RBFOX1: variants seen among roughly 807,000 people sequenced by gnomAD.
RBFOX1 encodes RNA binding fox-1 homolog 1.
RBFOX1 carries 8 observed loss-of-function variants against 57.7 expected under a neutral mutation model. That is an observed-to-expected ratio of 0.14 (90% CI 0.08 to 0.25). The LOEUF is 0.25. Among genes scored for constraint, RBFOX1 ranks in the 10% least tolerant of loss-of-function variants. The pLI is 1.00. For missense variants in RBFOX1, 611 were observed against 548.5 expected (o/e 1.11, Z -1.14); for synonymous variants, 326 against 222.4 (o/e 1.47, Z -4.15).
chr16:5,812,325 T>C (rs1367456539), intron 3 of RBFOX1, among the ~76,000 whole-genome samples: 6 of 152,230 alleles, frequency 3.9e-5, no homozygotes, highest in African/African-American at 7.2e-5. Flanking sequence ...GGATCATTTG[T>C]AGGTGAATAT....
At chr16:7,001,890 C>G (rs190071136) in intron 3 of RBFOX1, among the ~76,000 whole-genome samples, 1 of 152,014 alleles carries the variant, frequency 6.6e-6, no homozygotes, top group Non-Finnish European at 1.5e-5. Flanking sequence ...TGGGGAGTCC[C>G]CATAGTAAGC....
intron 3 of RBFOX1, among the ~76,000 whole-genome samples, chr16:5,646,842 C>A (rs374371270): frequency 4.1e-4 from 62 of 152,068 alleles, no homozygotes; most frequent in Non-Finnish European, 7.8e-4. Context: ...ACTGTGTTAG[C>A]CAGGATGGTC....
intron 4 of RBFOX1, among the ~76,000 whole-genome samples, chr16:7,065,936 T>A (rs1008236676): frequency 7.2e-5 from 11 of 152,116 alleles, no homozygotes; most frequent in Admixed American, 5.9e-4. Context: ...TCCTTATGTG[T>A]TTTTCCCCCA....
chr16:7,088,161 G>T (rs550460403), intron 4 of RBFOX1, among the ~76,000 whole-genome samples: 1 of 152,206 alleles, frequency 6.6e-6, no homozygotes, highest in East Asian at 1.9e-4. Flanking sequence ...GGGGATGTAC[G>T]GTTTTCTGTT....
At chr16:7,506,255 A>T (rs566486309) in intron 4 of RBFOX1, among the ~76,000 whole-genome samples, 5 of 149,638 alleles carry the variant, frequency 3.3e-5, no homozygotes, top group African/African-American at 1.2e-4. Context: ...ACAAAAGTTT[A>T]TATGTTTATC....
chr16:5,826,314 C>G (rs2056053756), intron 3 of RBFOX1, among the ~76,000 whole-genome samples: 1 of 152,090 alleles, frequency 6.6e-6, no homozygotes, highest in South Asian at 2.1e-4. Flanking sequence ...GTGAAGCAAA[C>G]CACAGTTGTA....
At chr16:6,717,793 G>A (rs1385812824) in intron 3 of RBFOX1, among the ~76,000 whole-genome samples, 2 of 152,144 alleles carry the variant, frequency 1.3e-5, no homozygotes, top group Non-Finnish European at 2.9e-5. Context: ...CATGGACCCA[G>A]CAGAAAATAT....
chr16:6,124,404 A>G (rs182735148), intron 1 of RBFOX1, among the ~76,000 whole-genome samples: 1 of 152,250 alleles, frequency 6.6e-6, no homozygotes, highest in East Asian at 1.9e-4. Context: ...TGATTATTGT[A>G]ATGTAAATGA....
In RBFOX1 at chr16:5,993,405, G is replaced by GAC. The variant is rs1567231565; in HGVS notation, c.351+126071_351+126072insCA. Among the ~76,000 whole-genome samples, 149 of 151,000 alleles carry GAC rather than the reference G, an allele frequency of 9.9e-4. 1 individual carries two copies. The highest frequency in any genetic ancestry group is 3.6e-3 in the African/African-American group (148 of 41,264). On this transcript the variant is annotated intron_variant, in intron 4 of 19. Transcript: ENST00000641259. ...TGTGTGAGAGAGAGAGAGACAGAGA[G>GAC]AGAGAGAGAGAGAGAAGGAGACAGA...
chr16:6,393,115 T>A (rs1029402408), intron 2 of RBFOX1, among the ~76,000 whole-genome samples: 12 of 152,346 alleles, frequency 7.9e-5, no homozygotes, highest in African/African-American at 2.9e-4. Flanking sequence ...AGGCTTTAAC[T>A]ATGAGTATAT....
chr16:6,335,921 T>A (rs1299129303), intron 2 of RBFOX1, among the ~76,000 whole-genome samples: 4 of 150,772 alleles, frequency 2.7e-5, no homozygotes, highest in African/African-American at 9.7e-5. Context: ...AGGTATTGCC[T>A]GGTTTTCCAG....
rs182114594 is a variant in RBFOX1 at position 7,147,441 on chromosome 16, G to T, written c.27+95343G>T. Among the ~76,000 whole-genome samples the T allele has an allele frequency of 1.7e-3, 263 of 152,048 alleles. 2 individuals carry two copies. The highest frequency in any genetic ancestry group is 6.0e-3 in the African/African-American group (247 of 41,456). ...ACCCAGGTGGTGGGCGTAGTACTTG[G>T]TAGACGGTTTTTCAACCCCGGCCTT... On this transcript the variant is annotated intron_variant, in intron 4 of 15. Coordinates refer to ENST00000550418, the MANE Select transcript of RBFOX1 (RefSeq NM_018723.4).
chr16:6,257,366 C>A (rs557256014), intron 1 of RBFOX1, among the ~76,000 whole-genome samples: 1 of 152,106 alleles, frequency 6.6e-6, no homozygotes, highest in African/African-American at 2.4e-5. Flanking sequence ...ATCTCTTTTC[C>A]CCATTCAAAT....
chr16:7,144,483 A>C (rs1600864606), intron 4 of RBFOX1, among the ~76,000 whole-genome samples: 1 of 124,186 alleles, frequency 8.1e-6, no homozygotes, highest in Non-Finnish European at 1.6e-5. Flanking sequence ...CAGTGGTGGC[A>C]CACACACAGC....
At chr16:6,483,178 C>G (rs2095401313) in intron 2 of RBFOX1, 4 of 1,129,468 alleles carry the variant, frequency 3.5e-6, no homozygotes, top group South Asian at 6.6e-5. Flanking sequence ...ATTTGGCGAG[C>G]GTTTTGGCGC....
At chr16:7,335,399 T>G (rs1307689040) in intron 4 of RBFOX1, among the ~76,000 whole-genome samples, 2 of 152,212 alleles carry the variant, frequency 1.3e-5, no homozygotes, top group Non-Finnish European at 2.9e-5. Flanking sequence ...TCTCTGTGAC[T>G]GGAGATGTTG....
intron 1 of RBFOX1, among the ~76,000 whole-genome samples, chr16:6,066,633 G>C (rs1002185260): frequency 3.9e-5 from 6 of 152,126 alleles, no homozygotes; most frequent in African/African-American, 1.4e-4. Context: ...GCCAGAATTT[G>C]GATTCTCAGG....
chr16:5,632,880 A>T (rs2048560673), intron 3 of RBFOX1, among the ~76,000 whole-genome samples: 1 of 151,416 alleles, frequency 6.6e-6, no homozygotes, highest in Non-Finnish European at 1.5e-5. Context: ...TGGCTAAGAA[A>T]ACTGGGCTGG....
At chr16:6,805,562 G>A (rs150142991) in intron 3 of RBFOX1, among the ~76,000 whole-genome samples, 10 of 149,930 alleles carry the variant, frequency 6.7e-5, no homozygotes, top group African/African-American at 2.0e-4. Flanking sequence ...TCTCACTTCA[G>A]TTATCACATT....
Sources: gnomAD v4.1 joint callset for allele counts (sites outside exome capture counted in the v4.1 genomes callset) on GRCh38, gnomAD v4.1.1 for gene constraint, MANE v1.5 for transcripts, NCBI Gene and HGNC (gene_info 2026-07-23, HGNC 2026-07-21) for gene names.